Variants in PHC2 observed in about 807,000 individuals in gnomAD.
PHC2 encodes the protein polyhomeotic homolog 2, also known as polyhomeotic-like protein 2.
A neutral mutation model predicts 87.4 loss-of-function variants in PHC2; 29 were observed. The ratio of observed to expected loss-of-function variants is 0.33; its 90% CI spans 0.25 to 0.45. The LOEUF (loss-of-function observed/expected upper bound fraction) is 0.45. Ranked by LOEUF, PHC2 falls within the 20% of genes least tolerant of loss-of-function variation. The probability of loss-of-function intolerance (pLI) is 1.00; values close to 1 mark genes in which losing one functional copy is unlikely to be tolerated. For synonymous variants in PHC2, 438 were observed against 461.7 expected (o/e 0.95, Z 0.66); for missense variants, 857 against 1,136.7 (o/e 0.75, Z 3.54).
chr1:33,367,017 C>T, intron 7 of PHC2, 99 bp downstream of exon 7: 1 of 1,059,626 alleles, frequency 9.4e-7, no homozygotes, highest in East Asian at 2.4e-5. Context: ...TGGCTGGTAT[C>T]TTTGCAAATC....
chr1:33,413,222 C>T (rs966397184), intron 1 of PHC2, among the ~76,000 whole-genome samples: 2 of 152,238 alleles, frequency 1.3e-5, no homozygotes, highest in African/African-American at 4.8e-5. Flanking sequence ...CCGCCTCGGC[C>T]TCCCAAAGTG....
At chr1:33,330,650 A>G (rs1176936982) in intron 12 of PHC2, among the ~76,000 whole-genome samples, 1 of 152,166 alleles carries the variant, frequency 6.6e-6, no homozygotes, top group Non-Finnish European at 1.5e-5. Context: ...TGGCATGCAG[A>G]ACACCTCTGT....
intron 1 of PHC2, among the ~76,000 whole-genome samples, chr1:33,401,620 T>A (rs1649536367): frequency 6.6e-6 from 1 of 152,212 alleles, no homozygotes; most frequent in Non-Finnish European, 1.5e-5. Flanking sequence ...AAATCGGGAC[T>A]TTTTGTGTAT....
chr1:33,377,321 A>T (rs1648236083), intron 1 of PHC2, among the ~76,000 whole-genome samples: 2 of 152,152 alleles, frequency 1.3e-5, no homozygotes, highest in Non-Finnish European at 2.9e-5. Flanking sequence ...GATCCAATAG[A>T]TAGGGTCTCT....
At chr1:33,401,007 A>G (rs1361053816) in intron 1 of PHC2, among the ~76,000 whole-genome samples, 2 of 152,204 alleles carry the variant, frequency 1.3e-5, no homozygotes, top group Admixed American at 1.3e-4. Flanking sequence ...CAGTACAATT[A>G]TAAATCTTTT....
intron 9 of PHC2, among the ~76,000 whole-genome samples, chr1:33,343,468 C>CAAAAA (rs71006394): frequency 1.3e-4 from 8 of 59,830 alleles, no homozygotes; most frequent in Middle Eastern, 0.011. Context: ...GACTCTGTCT[C>CAAAAA]AAAAAAAAAA....
intron 1 of PHC2, among the ~76,000 whole-genome samples, chr1:33,423,475 A>C (rs1027888289): frequency 6.6e-6 from 1 of 152,198 alleles, no homozygotes; most frequent in African/African-American, 2.4e-5. Context: ...CACTGGTACT[A>C]TATCTAAAAT....
chr1:33,371,621 C>T (rs1212246416), intron 3 of PHC2, among the ~76,000 whole-genome samples: 1 of 152,246 alleles, frequency 6.6e-6, no homozygotes, highest in Non-Finnish European at 1.5e-5. Flanking sequence ...GCTTCTCATC[C>T]TTCAAGTGTC....
chr1:33,381,932 C>A (rs1267173222), intron 1 of PHC2, among the ~76,000 whole-genome samples: 3 of 151,832 alleles, frequency 2.0e-5, no homozygotes, highest in Non-Finnish European at 4.4e-5. Flanking sequence ...AGGTAAGTGA[C>A]TTGGGGTGAT....
chr1:33,347,850 G>C, intron 9 of PHC2: 1 of 459,462 alleles, frequency 2.2e-6, no homozygotes, highest in Non-Finnish European at 2.9e-6. Context: ...GCCCGCCCTT[G>C]TGAGTGAGCC....
In PHC2 at chr1:33,383,005, C is replaced by T. The variant is rs532649900; in HGVS notation, c.-54-7412G>A. ...AGTCTCGTCAGCCCCATCGTGGCTGCTGGTATTATCATGAGGCGGCTTGGT... is the reference window on the plus strand; with the variant it reads ...AGTCTCGTCAGCCCCATCGTGGCTGTTGGTATTATCATGAGGCGGCTTGGT... On this transcript the variant is annotated intron_variant, in intron 1 of 14. Transcript: ENST00000683057. Among the ~76,000 whole-genome samples the T allele has an allele frequency of 5.3e-5, 8 of 152,310 alleles. No individual in the cohort carries two copies. The South Asian group carries it at 1.5e-3, about 28-fold the overall frequency.
intron 1 of PHC2, among the ~76,000 whole-genome samples, chr1:33,413,376 C>A (rs1395728522): frequency 1.3e-5 from 2 of 152,172 alleles, no homozygotes; most frequent in South Asian, 2.1e-4. Flanking sequence ...CTATCTAACA[C>A]TGAAGTATTG....
chr1:33,329,234 C>T (rs1646436806), intron 13 of PHC2, 88 bp from the exon 14 acceptor site: 5 of 1,386,842 alleles, frequency 3.6e-6, no homozygotes, highest in African/African-American at 1.4e-5. Context: ...CCTTTTTCTA[C>T]TTGGCCTACT....
chr1:33,429,751 A>G (rs138873367), intron 1 of PHC2, among the ~76,000 whole-genome samples: 1 of 152,374 alleles, frequency 6.6e-6, no homozygotes, highest in Non-Finnish European at 1.5e-5. Flanking sequence ...TTGTTGGGTG[A>G]TAAAAGACAT....
chr1:33,333,857 G>A (rs1306101110), intron 10 of PHC2: 3 of 498,228 alleles, frequency 6.0e-6, no homozygotes, highest in African/African-American at 4.0e-5. Flanking sequence ...AGTTTGTGTG[G>A]GAAACTTCTA....
rs970505361 is a variant in PHC2, at chr1:33,363,681, G to A, written c.976+3435C>T. 1.1e-5 allele frequency: 10 copies of A among 913,302 alleles called. No individual in the cohort carries two copies. The South Asian group carries it at 2.0e-4, about 18-fold the overall frequency. 56.6% of individuals were successfully genotyped at this position (913,302 alleles called of 1,614,324 possible). On this transcript the variant is annotated intron_variant, in intron 7 of 14. Transcript: ENST00000683057. ...AAGGGCCCTGGCTTTTCAACAACCC[G>A]ACAGTTCCCTTTTATCACAGCATAT... is the stretch of plus-strand genomic sequence containing the variant.
intron 1 of PHC2, among the ~76,000 whole-genome samples, chr1:33,383,889 G>A (rs367662091): frequency 6.8e-6 from 1 of 146,278 alleles, no homozygotes; most frequent in South Asian, 2.2e-4. Flanking sequence ...GCTAGGAAGA[G>A]GCGAGGAAGG....
In PHC2 at chr1:33,334,436, A is replaced by G. The variant is rs1005034089; in HGVS notation, c.1559-144T>C. The G allele has an allele frequency of 5.8e-6, 4 of 685,162 alleles. No individual in the cohort carries two copies. The highest frequency in any genetic ancestry group is 5.9e-5 in the Admixed American group (2 of 33,834). The allele number at this position is 685,162 out of a possible 1,614,324, so 42.4% of individuals were successfully genotyped here. On this transcript the variant is annotated intron_variant, in intron 9 of 14. Transcript: ENST00000683057. This position sits in a 1 kb window ranked among gnomAD's most constrained non-coding sequence, Gnocchi z 5.5. Reference sequence around the variant, plus strand: ...GCAAACCAAGCAGTCCCCTCCCCTCAGTGACCCATTTAAAAGTGGCACAGT... The same window carrying G: ...GCAAACCAAGCAGTCCCCTCCCCTCGGTGACCCATTTAAAAGTGGCACAGT...
At chr1:33,330,793 G>C (rs1328662019) in intron 12 of PHC2, among the ~76,000 whole-genome samples, 1 of 152,180 alleles carries the variant, frequency 6.6e-6, no homozygotes, top group Admixed American at 6.5e-5. Flanking sequence ...TGGCTTATTA[G>C]CTATGTTATC....
Sources: allele counts gnomAD v4.1 joint callset (sites outside exome capture counted in the v4.1 genomes callset), GRCh38; gene constraint gnomAD v4.1.1; non-coding constraint Gnocchi (gnomAD v3.1); transcripts MANE v1.5; gene names NCBI Gene and HGNC (gene_info 2026-07-23, HGNC 2026-07-21).